ARHGEF10L: variants seen among roughly 807,000 people sequenced by gnomAD.
ARHGEF10L encodes the protein rho guanine nucleotide exchange factor 10-like protein.
ARHGEF10L carries 69 observed loss-of-function variants against 141.2 expected under a neutral mutation model. The observed-to-expected ratio is 0.49, with a 90% CI of 0.40 to 0.60. The LOEUF (loss-of-function observed/expected upper bound fraction) is 0.60, where lower values mean the gene tolerates loss of function less well. Ranked by LOEUF, ARHGEF10L falls within the 20% of genes least tolerant of loss-of-function variation. ARHGEF10L has a pLI of 0.00. For synonymous variants in ARHGEF10L, 711 were observed against 718.5 expected, an observed-to-expected ratio of 0.99 and a Z score of 0.17; for missense variants, 1,482 against 1,734.3, an observed-to-expected ratio of 0.85 and a Z score of 2.58.
At chr1:17,540,387 C>T (rs2076678423) in intron 1 of ARHGEF10L, among the ~76,000 whole-genome samples, 1 of 151,962 alleles carries the variant, frequency 6.6e-6, no homozygotes, top group African/African-American at 2.4e-5. Context: ...GAGTCAGCCT[C>T]TCCCACCCTG....
chr1:17,559,024 T>C (rs896934972), intron 1 of ARHGEF10L, among the ~76,000 whole-genome samples: 3 of 151,982 alleles, frequency 2.0e-5, no homozygotes, highest in Non-Finnish European at 2.9e-5. Flanking sequence ...CCGGCCTCAG[T>C]TGGGGTGTGG....
rs1460559873 is a variant in ARHGEF10L, at chr1:17,648,552, A to G, written c.2273-2A>G. On this transcript the variant is annotated splice_acceptor_variant, in intron 21 of 28. Coordinates refer to ENST00000361221, the MANE Select transcript of ARHGEF10L (RefSeq NM_018125.4). LOFTEE classifies it high-confidence loss of function. ...CTACCCACCTCCTTCCTCTTGCTGTAGGGGAGGAGAACCAGCCAGGCTGGC... is the reference window on the plus strand; with the variant it reads ...CTACCCACCTCCTTCCTCTTGCTGTGGGGGAGGAGAACCAGCCAGGCTGGC... The G allele has an allele frequency of 6.2e-7, 1 of 1,613,406 alleles. No homozygotes were observed. Among genetic ancestry groups the G allele is most frequent in the African/African-American group, 1.3e-5 (1 of 74,876 alleles).
chr1:17,677,291 C>T (rs1312422823), intron 26 of ARHGEF10L, among the ~76,000 whole-genome samples: 1 of 152,252 alleles, frequency 6.6e-6, no homozygotes, highest in African/African-American at 2.4e-5. Context: ...TGCACCTGCT[C>T]ACCTGCACCC....
chr1:17,648,091 G>A (rs777125040), intron 21 of ARHGEF10L, among the ~76,000 whole-genome samples: 3 of 152,212 alleles, frequency 2.0e-5, no homozygotes, highest in Non-Finnish European at 4.4e-5. Context: ...GCGACCTCCT[G>A]TCCTCTGATC....
chr1:17,568,195 G>A (rs1322135729), intron 1 of ARHGEF10L, among the ~76,000 whole-genome samples: 1 of 152,176 alleles, frequency 6.6e-6, no homozygotes, highest in Non-Finnish European at 1.5e-5. Context: ...CGGTGCTGCT[G>A]TTCATTTAGC....
At chr1:17,668,231 G>A (rs1256604299) in intron 26 of ARHGEF10L, among the ~76,000 whole-genome samples, 1 of 152,234 alleles carries the variant, frequency 6.6e-6, no homozygotes. Flanking sequence ...GGAAAATCAA[G>A]CTGCTCCCGG....
intron 22 of ARHGEF10L, among the ~76,000 whole-genome samples, chr1:17,651,796 G>A (rs2061953024): frequency 6.6e-6 from 1 of 152,156 alleles, no homozygotes; most frequent in Admixed American, 6.5e-5. Context: ...CTGTGGTAAG[G>A]GGCCTGTGGA....
At chr1:17,608,666 A>C (rs2081392596) in intron 7 of ARHGEF10L, among the ~76,000 whole-genome samples, 1 of 152,122 alleles carries the variant, frequency 6.6e-6, no homozygotes, top group Non-Finnish European at 1.5e-5. Flanking sequence ...GTTCTGCGGA[A>C]GCCACCAAGA....
At chr1:17,680,224 C>T (rs574722743) in intron 26 of ARHGEF10L, among the ~76,000 whole-genome samples, 2 of 152,322 alleles carry the variant, frequency 1.3e-5, no homozygotes, top group South Asian at 4.1e-4. Flanking sequence ...CGGTGGGTAC[C>T]TGTAAAGTAG....
chr1:17,678,095 G>A (rs898715575), intron 26 of ARHGEF10L, among the ~76,000 whole-genome samples: 3 of 152,100 alleles, frequency 2.0e-5, no homozygotes, highest in South Asian at 2.1e-4. Context: ...AGTCTTCACC[G>A]GGTCCCCAGG....
rs562763057 is a variant in ARHGEF10L at position 17,570,792 on chromosome 1, G to A, written c.-43-9761G>A. Among the ~76,000 whole-genome samples, 27 of 152,134 alleles carry A rather than the reference G, an allele frequency of 1.8e-4. No homozygotes were observed. The East Asian group carries it at 3.1e-3, about 17-fold the overall frequency. On this transcript the variant is annotated intron_variant, in intron 1 of 28. Transcript: ENST00000361221. ...ACTGTGGAGGGGGTGAGATGCGCTC[G>A]GATTCTGGGCGTATGTTGAAGGTAG... is the stretch of plus-strand genomic sequence containing the variant.
Position 17,650,631 on chromosome 1 carries a change from G to T in ARHGEF10L, c.2394+1956G>T, listed in dbSNP as rs1426263166. Among the ~76,000 whole-genome samples the T allele has an allele frequency of 1.3e-5, 2 of 151,790 alleles. 1 individual carries two copies. ...ACCTGTAGTCCTAGCTACTGGAGAG[G>T]CTGAGGTGGAAAAAACACTTGAACC... On this transcript the variant is annotated intron_variant, in intron 22 of 28. Transcript: ENST00000361221.
At chr1:17,630,605 G>A (rs1037981276) in intron 15 of ARHGEF10L, among the ~76,000 whole-genome samples, 2 of 152,338 alleles carry the variant, frequency 1.3e-5, no homozygotes, top group East Asian at 3.9e-4. Flanking sequence ...TGCAGGGAAT[G>A]GTGAACGTGG....
At chr1:17,589,409 G>A (rs972386456) in intron 4 of ARHGEF10L, among the ~76,000 whole-genome samples, 2 of 152,310 alleles carry the variant, frequency 1.3e-5, no homozygotes, top group Admixed American at 6.5e-5. Context: ...GGAACCCTGA[G>A]TTTAAATCCT....
upstream of ARHGEF10L, among the ~76,000 whole-genome samples, chr1:17,534,950 CG>C: frequency 6.6e-6 from 1 of 151,910 alleles, no homozygotes; most frequent in Middle Eastern, 3.4e-3. Flanking sequence ...GAACTGGTTT[CG>C]GGGATGTGGA....
the ARHGEF10L span, among the ~76,000 whole-genome samples, chr1:17,521,049 G>A: frequency 6.6e-6 from 1 of 152,184 alleles, no homozygotes; most frequent in East Asian, 1.9e-4. Flanking sequence ...GAGGAATGCA[G>A]CTGGTGGGAG....
chr1:17,534,591 ATTTT>A, the ARHGEF10L span, among the ~76,000 whole-genome samples: 1 of 125,086 alleles, frequency 8.0e-6, no homozygotes, highest in Admixed American at 8.2e-5. Flanking sequence ...CCATTTTCTG[ATTTT>A]TTTTTTTTTT....
In ARHGEF10L at chr1:17,588,975, C is replaced by T. The variant is rs117172877; in HGVS notation, c.257+496C>T. 4.6e-3 allele frequency among the ~76,000 whole-genome samples: 696 copies of T among 150,374 alleles called. 18 individuals are homozygous for T. The East Asian group carries it at 0.071, about 15-fold the overall frequency. On this transcript the variant is annotated intron_variant, in intron 4 of 28. Coordinates refer to ENST00000361221, the MANE Select transcript of ARHGEF10L (RefSeq NM_018125.4). ...AATTATTTTTGCAGTTGCCATTTGT[C>T]TTGTTAATATCATTCCCATTCCTAT...
chr1:17,525,272 A>G, the ARHGEF10L span, among the ~76,000 whole-genome samples: 1 of 152,110 alleles, frequency 6.6e-6, no homozygotes, highest in Non-Finnish European at 1.5e-5. Context: ...TCTCCCCCTG[A>G]GCAATGTTAT....
Sources: allele counts gnomAD v4.1 joint callset (sites outside exome capture counted in the v4.1 genomes callset), GRCh38; gene constraint gnomAD v4.1.1; transcripts MANE v1.5; gene names NCBI Gene and HGNC (gene_info 2026-07-23, HGNC 2026-07-21).